Variants in MACROD2 observed in about 807,000 individuals in gnomAD.
The protein encoded by MACROD2 is ADP-ribose glycohydrolase MACROD2.
A neutral mutation model predicts 70.4 loss-of-function variants in MACROD2; 36 were observed. That is an observed-to-expected ratio of 0.51 (90% CI 0.39 to 0.68). The LOEUF (loss-of-function observed/expected upper bound fraction) is 0.68. MACROD2 is among the 30% of genes least tolerant of loss of function. The pLI is 0.00. For missense variants in MACROD2, 496 were observed against 538.4 expected (o/e 0.92, Z 0.78); for synonymous variants, 172 against 178.8 (o/e 0.96, Z 0.30).
chr20:14,539,573 G>A (rs2085405883), intron 4 of MACROD2, among the ~76,000 whole-genome samples: 1 of 149,630 alleles, frequency 6.7e-6, no homozygotes, highest in South Asian at 2.1e-4. Flanking sequence ...AAATATATCA[G>A]CACTCATGCC....
chr20:15,718,361 A>C (rs1453025209), intron 8 of MACROD2, among the ~76,000 whole-genome samples: 1 of 152,188 alleles, frequency 6.6e-6, no homozygotes, highest in Non-Finnish European at 1.5e-5. Flanking sequence ...AATATAGCTT[A>C]ATTTCTACCA....
intron 7 of MACROD2, among the ~76,000 whole-genome samples, chr20:15,481,174 A>G (rs2047092083): frequency 6.6e-6 from 1 of 152,238 alleles, no homozygotes; most frequent in Non-Finnish European, 1.5e-5. Context: ...TCAAAACTTT[A>G]TTTGTGAGAG....
intron 5 of MACROD2, among the ~76,000 whole-genome samples, chr20:14,723,676 T>C (rs1349349711): frequency 6.6e-6 from 1 of 151,698 alleles, no homozygotes; most frequent in Non-Finnish European, 1.5e-5. Flanking sequence ...AGTTTCCTCA[T>C]GTACATTTGG....
intron 8 of MACROD2, among the ~76,000 whole-genome samples, chr20:15,642,149 A>G (rs531614238): frequency 2.6e-5 from 4 of 152,304 alleles, no homozygotes; most frequent in African/African-American, 9.6e-5. Flanking sequence ...AAAAGATTCC[A>G]TCTCTGGTGA....
At chr20:15,245,027 A>G (rs1374185499) in intron 6 of MACROD2, among the ~76,000 whole-genome samples, 2 of 152,244 alleles carry the variant, frequency 1.3e-5, no homozygotes, top group African/African-American at 2.4e-5. Flanking sequence ...ATAACATCAT[A>G]GACTTGTCAT....
At chr20:14,608,600 G>A (rs747033084) in intron 4 of MACROD2, among the ~76,000 whole-genome samples, 1 of 152,162 alleles carries the variant, frequency 6.6e-6, no homozygotes. Flanking sequence ...GATGTGCCAG[G>A]ACTGTACTGG....
intron 6 of MACROD2, among the ~76,000 whole-genome samples, chr20:15,290,517 A>G (rs1222194807): frequency 1.3e-5 from 2 of 152,224 alleles, no homozygotes; most frequent in Admixed American, 6.5e-5. Flanking sequence ...ATAACTGTTT[A>G]GTGAGGTTCT....
intron 3 of MACROD2, among the ~76,000 whole-genome samples, chr20:14,228,166 T>TAG: frequency 1.2e-4 from 1 of 8,046 alleles, no homozygotes; most frequent in Non-Finnish European, 3.2e-4. Flanking sequence ...TTTCTATGTA[T>TAG]ATATATAGAG....
intron 5 of MACROD2, among the ~76,000 whole-genome samples, chr20:15,115,576 G>T (rs554076331): frequency 6.6e-6 from 1 of 152,216 alleles, no homozygotes; most frequent in East Asian, 1.9e-4. Context: ...ACCCAAACAT[G>T]CAGGGTTTCA....
At chr20:14,663,922 G>A (rs1308209749) in intron 4 of MACROD2, among the ~76,000 whole-genome samples, 1 of 151,958 alleles carries the variant, frequency 6.6e-6, no homozygotes, top group Non-Finnish European at 1.5e-5. Flanking sequence ...ACCACTTTGT[G>A]TCTTATGGCC....
At chr20:15,632,720 T>G (rs1399826190) in intron 8 of MACROD2, among the ~76,000 whole-genome samples, 1 of 152,192 alleles carries the variant, frequency 6.6e-6, no homozygotes, top group African/African-American at 2.4e-5. Context: ...GGGGTCTGTC[T>G]TAGTAATAGT....
chr20:14,116,445 G>C (rs2054514615), intron 3 of MACROD2, among the ~76,000 whole-genome samples: 1 of 152,140 alleles, frequency 6.6e-6, no homozygotes, highest in Non-Finnish European at 1.5e-5. Flanking sequence ...CTATAATCAA[G>C]ACTTTTAGTT....
intron 8 of MACROD2, among the ~76,000 whole-genome samples, chr20:15,592,975 A>T (rs994437851): frequency 8.5e-5 from 13 of 152,130 alleles, no homozygotes; most frequent in African/African-American, 3.1e-4. Context: ...TGCCCCCAAG[A>T]GCTAAATTTA....
chr20:14,833,022 A>G (rs777311332), intron 5 of MACROD2, among the ~76,000 whole-genome samples: 3 of 152,200 alleles, frequency 2.0e-5, no homozygotes, highest in Non-Finnish European at 4.4e-5. Flanking sequence ...GTGTGTCCAC[A>G]CTGTCTTCTG....
intron 5 of MACROD2, among the ~76,000 whole-genome samples, chr20:15,032,303 T>C (rs2075281628): frequency 6.6e-6 from 1 of 152,056 alleles, no homozygotes; most frequent in Admixed American, 6.5e-5. Context: ...TGGTAGGGAG[T>C]GGGCCTCTGG....
At chr20:14,802,228 C>T (rs565850000) in intron 5 of MACROD2, among the ~76,000 whole-genome samples, 1 of 152,064 alleles carries the variant, frequency 6.6e-6, no homozygotes, top group East Asian at 1.9e-4. Context: ...CTGTTTCTAA[C>T]CATAGAAGGC....
intron 5 of MACROD2, among the ~76,000 whole-genome samples, chr20:14,867,250 A>G (rs1272133302): frequency 1.3e-5 from 2 of 152,164 alleles, no homozygotes; most frequent in African/African-American, 2.4e-5. Context: ...TTGAGGGAGA[A>G]GAAACTTTTT....
intron 2 of MACROD2, among the ~76,000 whole-genome samples, chr20:14,051,472 C>G (rs957410521): frequency 6.6e-6 from 1 of 152,174 alleles, no homozygotes; most frequent in Non-Finnish European, 1.5e-5. Context: ...ACACACTTCT[C>G]TGAACCTTCC....
intron 8 of MACROD2, among the ~76,000 whole-genome samples, chr20:15,532,460 A>G (rs888075153): frequency 2.6e-5 from 4 of 151,976 alleles, no homozygotes; most frequent in Non-Finnish European, 4.4e-5. Context: ...TTAGCTACCT[A>G]TCTGAAATGT....
Sources: gnomAD v4.1 joint callset for allele counts (sites outside exome capture counted in the v4.1 genomes callset) on GRCh38, gnomAD v4.1.1 for gene constraint, MANE v1.5 for transcripts, NCBI Gene and HGNC (gene_info 2026-07-23, HGNC 2026-07-21) for gene names.